Variants in ERC1 observed in about 807,000 individuals in gnomAD.
ERC1 encodes the protein ELKS/RAB6-interacting/CAST family member 1.
In ERC1, 56 loss-of-function variants were observed where a neutral mutation model predicts 132.0. The ratio of observed to expected loss-of-function variants is 0.42; its 90% CI spans 0.34 to 0.53. The LOEUF (loss-of-function observed/expected upper bound fraction) is 0.53. ERC1 is among the 20% of genes least tolerant of loss of function. The pLI is 0.03. For synonymous variants in ERC1, 478 were observed against 476.1 expected (o/e 1.00, Z -0.05); for missense variants, 1,202 against 1,349.9 (o/e 0.89, Z 1.72).
chr12:1,131,831 C>T (rs1030368673), intron 7 of ERC1, among the ~76,000 whole-genome samples: 1 of 152,144 alleles, frequency 6.6e-6, no homozygotes, highest in Non-Finnish European at 1.5e-5. Flanking sequence ...CTGTTCACTT[C>T]CATTGGTAGA....
chr12:1,282,688 GTA>G (rs2078762321), intron 14 of ERC1, among the ~76,000 whole-genome samples: 1 of 152,206 alleles, frequency 6.6e-6, no homozygotes, highest in Admixed American at 6.5e-5. Flanking sequence ...AGGTATATGT[GTA>G]TATATGTTTT....
At chr12:1,266,956 G>A (rs940275922) in intron 14 of ERC1, among the ~76,000 whole-genome samples, 1 of 152,158 alleles carries the variant, frequency 6.6e-6, no homozygotes, top group Non-Finnish European at 1.5e-5. Flanking sequence ...AAAATTGTAT[G>A]GGAGCCATAG....
intron 1 of ERC1, 148 bp from the exon 2 acceptor site, chr12:1,027,600 G>C (rs1199050700): frequency 3.2e-6 from 1 of 314,906 alleles, no homozygotes; most frequent in Non-Finnish European, 5.9e-6. Context: ...TGTTTACTAT[G>C]AGTACATTAT....
chr12:1,271,318 A>T (rs1157250513), intron 14 of ERC1, among the ~76,000 whole-genome samples: 1 of 152,208 alleles, frequency 6.6e-6, no homozygotes, highest in African/African-American at 2.4e-5. Flanking sequence ...AGATAGATTT[A>T]AAACGTCTTT....
chr12:1,470,521 C>A (rs1358333730), intron 18 of ERC1, among the ~76,000 whole-genome samples: 1 of 151,540 alleles, frequency 6.6e-6, no homozygotes, highest in Non-Finnish European at 1.5e-5. Flanking sequence ...ATACGCTAGG[C>A]GGACTAGCTA....
chr12:1,149,007 A>G (rs1239427481), intron 8 of ERC1, among the ~76,000 whole-genome samples: 1 of 152,216 alleles, frequency 6.6e-6, no homozygotes, highest in Admixed American at 6.5e-5. Context: ...TAAGGTGGTC[A>G]GAATCAACAT....
At chr12:1,237,532 T>C (rs2075500869) in intron 13 of ERC1, among the ~76,000 whole-genome samples, 1 of 152,214 alleles carries the variant, frequency 6.6e-6, no homozygotes, top group African/African-American at 2.4e-5. Context: ...GTCCTCAGTA[T>C]TTGAAACTAG....
At chr12:1,082,187 C>G (rs982839181) in intron 2 of ERC1, among the ~76,000 whole-genome samples, 1 of 152,076 alleles carries the variant, frequency 6.6e-6, no homozygotes, top group African/African-American at 2.4e-5. Context: ...GCCACCATGC[C>G]TGGCTAATTT....
At chr12:1,133,952 T>G (rs1949013884) in intron 7 of ERC1, among the ~76,000 whole-genome samples, 1 of 152,230 alleles carries the variant, frequency 6.6e-6, no homozygotes, top group Non-Finnish European at 1.5e-5. Context: ...TTTTTGTCCT[T>G]GTATTATGAG....
intron 13 of ERC1, among the ~76,000 whole-genome samples, chr12:1,257,448 A>G (rs2076884152): frequency 1.3e-5 from 2 of 152,208 alleles, no homozygotes; most frequent in South Asian, 4.1e-4. Flanking sequence ...GATATTTTAT[A>G]TTTTTAGTAT....
chr12:1,061,333 A>G (rs189304807), intron 2 of ERC1, among the ~76,000 whole-genome samples: 6 of 152,072 alleles, frequency 3.9e-5, no homozygotes, highest in Admixed American at 2.0e-4. Context: ...GTAGTGGGCC[A>G]TGCCTGTAAT....
intron 15 of ERC1, among the ~76,000 whole-genome samples, chr12:1,324,220 A>G (rs190771134): frequency 1.5e-3 from 221 of 152,314 alleles, no homozygotes; most frequent in African/African-American, 5.0e-3. Context: ...AGAAGGCAAA[A>G]AGGCCAGGAA....
intron 18 of ERC1, among the ~76,000 whole-genome samples, chr12:1,469,194 C>G (rs2093807626): frequency 6.6e-6 from 1 of 152,264 alleles, no homozygotes; most frequent in Non-Finnish European, 1.5e-5. Context: ...ACGCAGCTCT[C>G]TTCTCCCTGT....
At chr12:1,482,752 T>C (rs2094118237) in intron 18 of ERC1, among the ~76,000 whole-genome samples, 1 of 152,138 alleles carries the variant, frequency 6.6e-6, no homozygotes, top group Non-Finnish European at 1.5e-5. Flanking sequence ...TGGCCAATTT[T>C]TTTATAGTTT....
At chr12:1,308,212 T>TATTAGC (rs2081027000) in intron 15 of ERC1, among the ~76,000 whole-genome samples, 1 of 151,176 alleles carries the variant, frequency 6.6e-6, no homozygotes, top group Non-Finnish European at 1.5e-5. Flanking sequence ...TTACTATTGT[T>TATTAGC]ATTATTATTA....
At chr12:1,108,904 T>C (rs1725280809) in intron 4 of ERC1, among the ~76,000 whole-genome samples, 1 of 152,196 alleles carries the variant, frequency 6.6e-6, no homozygotes, top group South Asian at 2.1e-4. Flanking sequence ...TATAAAGCCT[T>C]AATCTCTCTC....
At chr12:1,180,426 GCACA>G (rs1364943899) in intron 8 of ERC1, 110 bp from the exon 9 acceptor site, 2 of 849,168 alleles carry the variant, frequency 2.4e-6, no homozygotes, top group East Asian at 2.7e-5. Context: ...TCTACAGAAT[GCACA>G]CACACAGACA....
chr12:1,134,617 G>A (rs2154243048), intron 7 of ERC1, among the ~76,000 whole-genome samples: 1 of 152,034 alleles, frequency 6.6e-6, no homozygotes, highest in Non-Finnish European at 1.5e-5. Flanking sequence ...CTCCCAAAGT[G>A]TTGGGATTAC....
intron 15 of ERC1, among the ~76,000 whole-genome samples, chr12:1,293,215 G>A (rs1005615386): frequency 6.6e-6 from 1 of 150,816 alleles, no homozygotes; most frequent in Non-Finnish European, 1.5e-5. Flanking sequence ...AGCACTTTGG[G>A]AGGCTGAGGC....
Sources: gnomAD v4.1 joint callset for allele counts (sites outside exome capture counted in the v4.1 genomes callset) on GRCh38, gnomAD v4.1.1 for gene constraint, MANE v1.5 for transcripts, NCBI Gene and HGNC (gene_info 2026-07-23, HGNC 2026-07-21) for gene names.